ABCA3: variants seen among roughly 807,000 people sequenced by gnomAD.
The protein encoded by ABCA3 is ATP binding cassette subfamily A member 3, also known as phospholipid-transporting ATPase ABCA3.
ABCA3 carries 88 observed loss-of-function variants against 172.8 expected under a neutral mutation model. The observed-to-expected ratio is 0.51, with a 90% CI of 0.43 to 0.61. ABCA3 has a LOEUF of 0.61. Among genes scored for constraint, ABCA3 ranks in the 20% least tolerant of loss-of-function variants. The probability of loss-of-function intolerance (pLI) is 0.00; values close to 1 mark genes in which losing one functional copy is unlikely to be tolerated. For missense variants in ABCA3, 2,164 were observed against 2,301.0 expected (o/e 0.94, Z 1.22); for synonymous variants, 1,066 against 983.8 (o/e 1.08, Z -1.56).
chr16:2,332,629 A>G, intron 1 of ABCA3: 6 of 1,600,244 alleles, frequency 3.7e-6, no homozygotes, highest in South Asian at 1.1e-5. Context: ...GGGCGGCTCA[A>G]TCTTCTCCAG....
rs147341939 is a variant in ABCA3, at chr16:2,297,473, G to C, written c.2119C>G (p.Leu707Val). The change falls in exon 17 of 33, where the codon CTT becomes GTT. Residue 707 changes from leucine to valine, a missense_variant. Coordinates refer to ENST00000301732, the MANE Select transcript of ABCA3 (RefSeq NM_001089.3). The surrounding 1 kb of genome is among the most constrained non-coding windows in gnomAD (Gnocchi z 5.6). ...AISRRAIWDL[L>V]QRQKSDRTIV... ...GTGCGGTCACTTTTCTGCCGCTGAA[G>C]AAGATCCCAGATGGCCCTCCTGGAG... 1 of 1,613,638 alleles carries C rather than the reference G, an allele frequency of 6.2e-7. No individual in the cohort carries two copies. The highest frequency in any genetic ancestry group is 8.5e-7 in the Non-Finnish European group (1 of 1,180,028).
intron 19 of ABCA3, among the ~76,000 whole-genome samples, chr16:2,291,190 G>T (rs1006931228): frequency 6.6e-6 from 1 of 152,022 alleles, no homozygotes; most frequent in African/African-American, 2.4e-5. Flanking sequence ...CTAGCTGGGC[G>T]TAATGACGTG....
At chr16:2,290,549 C>T (rs1420307143) in intron 19 of ABCA3, among the ~76,000 whole-genome samples, 2 of 152,180 alleles carry the variant, frequency 1.3e-5, no homozygotes, top group African/African-American at 4.8e-5. Flanking sequence ...AGGATCAACC[C>T]GGGTTCTACC....
chr16:2,289,259 C>T (rs896749751), intron 20 of ABCA3, 175 bp downstream of exon 20: 4 of 721,950 alleles, frequency 5.5e-6, no homozygotes, highest in Non-Finnish European at 9.1e-6. Flanking sequence ...TCCATTCAAA[C>T]GCTTCTCCCT....
intron 19 of ABCA3, among the ~76,000 whole-genome samples, chr16:2,291,403 G>A (rs1596838025): frequency 6.6e-6 from 1 of 151,796 alleles, no homozygotes; most frequent in Non-Finnish European, 1.5e-5. Flanking sequence ...GCCTGCCTCG[G>A]CCTCCCAAAG....
rs1231126562 is a variant in ABCA3 at position 2,284,545 on chromosome 16, G to A, written c.3704-108C>T. 3 of 1,502,534 alleles carry A rather than the reference G, an allele frequency of 2.0e-6. No individual in the cohort carries two copies. Among genetic ancestry groups the A allele is most frequent in the Admixed American group, 1.7e-5 (1 of 59,026 alleles). The allele number at this position is 1,502,534 out of a possible 1,614,324, so 93.1% of individuals were successfully genotyped here. On this transcript the variant is annotated intron_variant, in intron 24 of 32. Transcript: ENST00000301732. This position sits in a 1 kb window ranked among gnomAD's most constrained non-coding sequence, Gnocchi z 5.9. The stretch of plus-strand genomic sequence containing the variant: ...GGGCCTTATCCGTGCTGTGTGGAGT[G>A]AGGGGGCACCTCCCAGGGACGCCCC...
chr16:2,299,926 G>A (rs2093686259), intron 13 of ABCA3, 79 bp downstream of exon 13: 1 of 1,592,152 alleles, frequency 6.3e-7, no homozygotes, highest in Non-Finnish European at 8.5e-7. Context: ...GACGGGCTAT[G>A]AGGTCTCACT....
At position 2,326,285 on chromosome 16, in the gene ABCA3, T is replaced by C; in HGVS notation, c.55-11A>G. The C allele has an allele frequency of 2.5e-6, 4 of 1,612,414 alleles. No homozygotes were observed. Among genetic ancestry groups the C allele is most frequent in the Non-Finnish European group, 3.4e-6 (4 of 1,179,994 alleles). On this transcript the variant is annotated splice_polypyrimidine_tract_variant and intron_variant, in intron 4 of 32. Coordinates refer to ENST00000301732, the MANE Select transcript of ABCA3 (RefSeq NM_001089.3). Reference sequence around the variant, plus strand: ...CAGGACCTTCCGCTTCTGGAAGAGATACAATAGGGCACGGTGATGGGCTGC... The same window carrying C: ...CAGGACCTTCCGCTTCTGGAAGAGACACAATAGGGCACGGTGATGGGCTGC...
rs1367877378 is a variant in ABCA3 at position 2,281,825 on chromosome 16, G to C, written c.4036-316C>G. On this transcript the variant is annotated intron_variant, in intron 26 of 32. Coordinates refer to ENST00000301732, the MANE Select transcript of ABCA3 (RefSeq NM_001089.3). The surrounding 1 kb of genome is among the most constrained non-coding windows in gnomAD (Gnocchi z 4.7). Reference sequence around the variant, plus strand: ...TAGACAATTTTTTTTTTTTTTTTGAGACAGAGTCTCACTCTGTTGTCCAGG... The same window carrying C: ...TAGACAATTTTTTTTTTTTTTTTGACACAGAGTCTCACTCTGTTGTCCAGG... Among the ~76,000 whole-genome samples the C allele has an allele frequency of 2.0e-5, 3 of 149,298 alleles. No homozygotes were observed. The highest frequency in any genetic ancestry group is 7.4e-5 in the African/African-American group (3 of 40,496).
At chr16:2,330,288 C>CA (rs562749881) in intron 1 of ABCA3, among the ~76,000 whole-genome samples, 3,708 of 77,750 alleles carry the variant, frequency 0.048, 79 homozygotes, top group Non-Finnish European at 0.077. Flanking sequence ...GACCCTGTCT[C>CA]AAAAAAAAAA....
chr16:2,299,992 C>T lies in ABCA3; in HGVS notation c.1611+13G>A, dbSNP rs1296628274. On this transcript the variant is annotated intron_variant, in intron 13 of 32. Transcript: ENST00000301732. ...GCAGCCCCGGCCCTCCCTGTCCCCA[C>T]AGGAGGCGGCACCTTGGACAGGTGC... 4 of 1,612,448 alleles carry T rather than the reference C, an allele frequency of 2.5e-6. No homozygotes were observed. The highest frequency in any genetic ancestry group is 3.4e-6 in the Non-Finnish European group (4 of 1,180,014).
At chr16:2,310,932 C>T (rs2093705705) in intron 10 of ABCA3, among the ~76,000 whole-genome samples, 1 of 152,046 alleles carries the variant, frequency 6.6e-6, no homozygotes, top group African/African-American at 2.4e-5. Flanking sequence ...GATTACAGCT[C>T]GGTCCTCATA....
intron 1 of ABCA3, chr16:2,332,257 T>C (rs2093744440): frequency 2.1e-6 from 1 of 480,420 alleles, no homozygotes; most frequent in South Asian, 3.5e-5. Context: ...CTTGAAACTT[T>C]AAAATCCTTC....
At chr16:2,289,408 A>ACCCC in intron 20 of ABCA3, 26 bp downstream of exon 20, 2 of 1,054,078 alleles carry the variant, frequency 1.9e-6, no homozygotes, top group Non-Finnish European at 2.7e-6. Context: ...TTCCCCCGCC[A>ACCCC]CCCGCCCACC....
At chr16:2,289,664 G>C in intron 19 of ABCA3, 44 bp from the exon 20 acceptor site, 1 of 1,539,526 alleles carries the variant, frequency 6.5e-7, no homozygotes, top group Non-Finnish European at 8.7e-7. Context: ...CAGCTCCCCG[G>C]GTGGGTGGAG....
chr16:2,326,605 G>T, intron 3 of ABCA3, 113 bp from the exon 4 acceptor site: 1 of 1,203,254 alleles, frequency 8.3e-7, no homozygotes, highest in Non-Finnish European at 1.2e-6. Flanking sequence ...CTTCTTTTGT[G>T]CCACTTTAAC....
intron 9 of ABCA3, 43 bp downstream of exon 9, chr16:2,317,605 G>T: frequency 6.2e-7 from 1 of 1,607,760 alleles, no homozygotes. Context: ...GGGTGCCCTG[G>T]CTCTCCCCGT....
rs2093722267 is a variant in ABCA3 at position 2,319,527 on chromosome 16, C to G, written c.873+54G>C. 5 of 1,587,184 alleles carry G rather than the reference C, an allele frequency of 3.2e-6. No individual in the cohort carries two copies. In the African/African-American group the frequency reaches 5.4e-5, roughly 17 times the overall value. On this transcript the variant is annotated intron_variant, in intron 8 of 32. Transcript: ENST00000301732. ...AAAACACCAAGCCTTTGGACATGGCCTCCCCAGGACAGCGCGGTTTCTAGA... is the reference window on the plus strand; with the variant it reads ...AAAACACCAAGCCTTTGGACATGGCGTCCCCAGGACAGCGCGGTTTCTAGA...
In ABCA3 at chr16:2,317,705, C is replaced by A; in HGVS notation, c.933G>T (p.Leu311Phe). 1 of 1,614,238 alleles carries A rather than the reference C, an allele frequency of 6.2e-7. No homozygotes were observed. Among genetic ancestry groups the A allele is most frequent in the Non-Finnish European group, 8.5e-7 (1 of 1,180,038 alleles). ...CGGCGATGAGGAGGAAGAGGAAGAACAAGAGGAACCAGGCACTCCAGTGCA... is the reference window on the plus strand; with the variant it reads ...CGGCGATGAGGAGGAAGAGGAAGAAAAAGAGGAACCAGGCACTCCAGTGCA... ...SWLHWSAWFL[L>F]FFLFLLIAAS... The change falls in exon 9 of 33, where the codon TTG (leucine) becomes TTT (phenylalanine). Residue 311 changes from leucine to phenylalanine, a missense_variant. Physicochemically the swap from Leu to Phe is conservative, Grantham distance 22 (BLOSUM62 0). Coordinates refer to ENST00000301732, the MANE Select transcript of ABCA3 (RefSeq NM_001089.3).
Sources: gnomAD v4.1 joint callset for allele counts (sites outside exome capture counted in the v4.1 genomes callset) on GRCh38, gnomAD v4.1.1 for gene constraint, Gnocchi (gnomAD v3.1) non-coding constraint, MANE v1.5 for transcripts, NCBI Gene and HGNC (gene_info 2026-07-23, HGNC 2026-07-21) for gene names.